Variants in HELZ observed in about 807,000 individuals in gnomAD.
The protein encoded by HELZ is ATP-dependent RNA helicase with zinc finger domain.
HELZ carries 23 observed loss-of-function variants against 218.2 expected under a neutral mutation model. That is an observed-to-expected ratio of 0.11 (90% CI 0.08 to 0.15). The LOEUF (loss-of-function observed/expected upper bound fraction) is 0.15. HELZ is among the 10% of genes least tolerant of loss of function. The probability of loss-of-function intolerance (pLI) is 1.00; values close to 1 mark genes in which losing one functional copy is unlikely to be tolerated. For synonymous variants in HELZ, 814 were observed against 829.4 expected, an observed-to-expected ratio of 0.98 and a Z score of 0.32; for missense variants, 1,813 against 2,353.7, an observed-to-expected ratio of 0.77 and a Z score of 4.75.
intron 28 of HELZ, 101 bp from the exon 29 acceptor site, chr17:67,109,787 G>C (rs766255284): frequency 6.8e-5 from 54 of 795,116 alleles, no homozygotes; most frequent in Non-Finnish European, 1.0e-4. Context: ...ATGATACATT[G>C]ATATCTTCCA....
At chr17:67,164,451 G>A (rs1346805761) in intron 15 of HELZ, among the ~76,000 whole-genome samples, 1 of 152,126 alleles carries the variant, frequency 6.6e-6, no homozygotes, top group Non-Finnish European at 1.5e-5. Flanking sequence ...AGGCAAGGCT[G>A]CAGGAAGGGG....
At chr17:67,103,323 T>C (rs952137963) in intron 31 of HELZ, among the ~76,000 whole-genome samples, 1 of 152,198 alleles carries the variant, frequency 6.6e-6, no homozygotes, top group Non-Finnish European at 1.5e-5. Flanking sequence ...GAAACTATTT[T>C]TATTTGTAGA....
At chr17:67,169,083 A>T (rs1164139610) in intron 13 of HELZ, among the ~76,000 whole-genome samples, 1 of 151,970 alleles carries the variant, frequency 6.6e-6, no homozygotes, top group East Asian at 1.9e-4. Flanking sequence ...ACAGAGTGAG[A>T]CTCTGTCCCC....
chr17:67,112,762 G>A (rs1293354637), intron 28 of HELZ, among the ~76,000 whole-genome samples: 2 of 152,218 alleles, frequency 1.3e-5, no homozygotes, highest in African/African-American at 2.4e-5. Context: ...TGCAAGACAG[G>A]TGGGACTAGG....
At chr17:67,205,577 A>G (rs1248393843) in intron 5 of HELZ, among the ~76,000 whole-genome samples, 1 of 152,212 alleles carries the variant, frequency 6.6e-6, no homozygotes, top group Non-Finnish European at 1.5e-5. Context: ...GAAATATCTT[A>G]GTTCATTTTT....
chr17:67,115,702 C>T (rs1190877595), intron 27 of HELZ, among the ~76,000 whole-genome samples: 1 of 152,036 alleles, frequency 6.6e-6, no homozygotes, highest in Non-Finnish European at 1.5e-5. Flanking sequence ...AAGAATTCTC[C>T]ACCCTACAAA....
At chr17:67,233,683 T>G (rs994389856) in intron 3 of HELZ, among the ~76,000 whole-genome samples, 12 of 152,140 alleles carry the variant, frequency 7.9e-5, no homozygotes, top group African/African-American at 2.9e-4. Context: ...ACAAGCTCCT[T>G]AAACTCAACA....
At chr17:67,239,026 C>T (rs2041256977) in intron 3 of HELZ, among the ~76,000 whole-genome samples, 1 of 152,150 alleles carries the variant, frequency 6.6e-6, no homozygotes, top group Non-Finnish European at 1.5e-5. Flanking sequence ...ATTCATGACA[C>T]TATGTAAATA....
At chr17:67,242,886 T>C (rs1397189589) in intron 2 of HELZ, among the ~76,000 whole-genome samples, 5 of 151,194 alleles carry the variant, frequency 3.3e-5, no homozygotes, top group East Asian at 3.9e-4. Context: ...GATGTTGTGA[T>C]AGACACGAAA....
At chr17:67,172,082 C>G (rs1432713144) in intron 13 of HELZ, among the ~76,000 whole-genome samples, 1 of 152,200 alleles carries the variant, frequency 6.6e-6, no homozygotes, top group African/African-American at 2.4e-5. Context: ...GTCCACCCAC[C>G]TCGGCCTCCC....
At chr17:67,228,939 A>G (rs2040964918) in intron 3 of HELZ, among the ~76,000 whole-genome samples, 1 of 151,964 alleles carries the variant, frequency 6.6e-6, no homozygotes, top group Non-Finnish European at 1.5e-5. Flanking sequence ...GCTGGTCTCA[A>G]ACTCCCAACC....
rs577916866 is a variant in HELZ, at chr17:67,245,125, A to C, written c.-132+23T>G. ...GCTCGCGGAGCGGCCCCAGGAGCAGAGAAGGGGGAAGTCAGGACTTACCTG... is the reference window on the plus strand; with the variant it reads ...GCTCGCGGAGCGGCCCCAGGAGCAGCGAAGGGGGAAGTCAGGACTTACCTG... On this transcript the variant is annotated intron_variant, in intron 1 of 32. Coordinates refer to ENST00000358691, the MANE Select transcript of HELZ (RefSeq NM_014877.4). 9 of 984,916 alleles carry C rather than the reference A, an allele frequency of 9.1e-6. No homozygotes were observed. In the East Asian group the frequency reaches 1.0e-3, roughly 113 times the overall value. 61.0% of individuals were successfully genotyped at this position (984,916 alleles called of 1,614,324 possible).
intron 31 of HELZ, among the ~76,000 whole-genome samples, chr17:67,096,670 A>G (rs979299846): frequency 1.3e-5 from 2 of 152,164 alleles, no homozygotes. Flanking sequence ...TTCTTCATCT[A>G]TCTCCAGCCT....
chr17:67,173,348 T>G (rs569164377), intron 13 of HELZ, among the ~76,000 whole-genome samples: 66 of 152,296 alleles, frequency 4.3e-4, no homozygotes, highest in African/African-American at 1.5e-3. Flanking sequence ...TATTTCTTAA[T>G]AAGAAGAAAA....
At chr17:67,164,558 T>C (rs985264539) in intron 15 of HELZ, among the ~76,000 whole-genome samples, 1 of 152,168 alleles carries the variant, frequency 6.6e-6, no homozygotes, top group African/African-American at 2.4e-5. Flanking sequence ...CACTATGGAA[T>C]TGTACACTTA....
chr17:67,076,022 A>G lies in HELZ; in HGVS notation c.*2230T>C, dbSNP rs1170304820. 6.6e-6 allele frequency: 1 copy of G among 152,600 alleles called. No individual in the cohort carries two copies. The highest frequency in any genetic ancestry group is 1.5e-5 in the Non-Finnish European group (1 of 68,032). 9.5% of individuals were successfully genotyped at this position (152,600 alleles called of 1,614,324 possible). On this transcript the variant is annotated 3_prime_UTR_variant, in exon 33 of 33. Transcript: ENST00000358691. Reference sequence around the variant, plus strand: ...ATAAATATAAATAATTTAAAAACTGATATTTTTTAAAGATTCAAGTATAGA... The same window carrying G: ...ATAAATATAAATAATTTAAAAACTGGTATTTTTTAAAGATTCAAGTATAGA...
intron 2 of HELZ, among the ~76,000 whole-genome samples, chr17:67,242,902 G>C (rs1598494743): frequency 1.3e-5 from 2 of 150,434 alleles, no homozygotes; most frequent in African/African-American, 2.4e-5. Context: ...CGAAAAATTT[G>C]TGAGAGGATT....
intron 28 of HELZ, among the ~76,000 whole-genome samples, chr17:67,110,902 G>A (rs1049089736): frequency 3.9e-5 from 6 of 152,184 alleles, no homozygotes; most frequent in Non-Finnish European, 8.8e-5. Context: ...ATCACTAGAG[G>A]TACTGTAAGA....
At chr17:67,134,740 T>C (rs1389699022) in intron 23 of HELZ, among the ~76,000 whole-genome samples, 1 of 152,092 alleles carries the variant, frequency 6.6e-6, no homozygotes, top group Non-Finnish European at 1.5e-5. Context: ...TCATTATCTA[T>C]ATTGTAAGAA....
Sources: gnomAD v4.1 joint callset for allele counts (sites outside exome capture counted in the v4.1 genomes callset) on GRCh38, gnomAD v4.1.1 for gene constraint, MANE v1.5 for transcripts, NCBI Gene and HGNC (gene_info 2026-07-23, HGNC 2026-07-21) for gene names.